SOX11: variants seen among roughly 807,000 people sequenced by gnomAD.
SOX11 encodes transcription factor SOX-11.
Under a neutral mutation model 16.7 loss-of-function variants are expected in SOX11, and 5 were observed. The ratio of observed to expected loss-of-function variants is 0.30; its 90% confidence interval spans 0.16 to 0.63. The LOEUF is 0.63. Ranked by LOEUF, SOX11 falls within the 20% of genes least tolerant of loss-of-function variation. The pLI is 0.82. For synonymous variants in SOX11, 363 were observed against 298.8 expected, an observed-to-expected ratio of 1.21 and a Z score of -2.22; for missense variants, 492 against 641.5, an observed-to-expected ratio of 0.77 and a Z score of 2.52.
rs1454735687 is a variant in SOX11, at chr2:5,697,671, A to G, written c.*3624A>G. On this transcript the variant is annotated 3_prime_UTR_variant, in exon 1 of 1. Coordinates refer to ENST00000322002, the MANE Select transcript of SOX11 (RefSeq NM_003108.4). ...GCTGATGGCGTTAACCAGGTTCTCA[A>G]TATAGAACTGGATTTCTGGAGTTGT... 3 of 167,142 alleles carry G rather than the reference A, an allele frequency of 1.8e-5. No individual in the cohort carries two copies. The highest frequency in any genetic ancestry group is 7.2e-5 in the African/African-American group (3 of 41,448). 10.4% of individuals were successfully genotyped at this position (167,142 alleles called of 1,614,324 possible). A position where few individuals can be genotyped will look rare whatever the true frequency, so the allele number is the denominator to read the frequency against.
rs1433043072 is a variant in SOX11, at chr2:5,692,626, C to G, written c.-96C>G. The G allele has an allele frequency of 2.6e-5, 26 of 983,504 alleles. No homozygotes were observed. The African/African-American group carries it at 4.2e-4, about 16-fold the overall frequency. The allele number at this position is 983,504 out of a possible 1,614,324, so 60.9% of individuals were successfully genotyped here. A position where few individuals can be genotyped will look rare whatever the true frequency, so the allele number is the denominator to read the frequency against. On this transcript the variant is annotated 5_prime_UTR_variant, in exon 1 of 1. Coordinates refer to ENST00000322002, the MANE Select transcript of SOX11 (RefSeq NM_003108.4). ...CGAAAGCGGGGTGCCGAGGACTTTG[C>G]AACTTGCCCAGGAAGGTGGAGGGGT...
rs1167516366 is a variant in SOX11 at position 5,695,600 on chromosome 2, A to G, written c.*1553A>G. On this transcript the variant is annotated 3_prime_UTR_variant, in exon 1 of 1. Coordinates refer to ENST00000322002, the MANE Select transcript of SOX11 (RefSeq NM_003108.4). ...TTTTTTTTTTGTGCTGGAAGTCTGTATCTTGACAATTTTAATAAATCAGCT... is the reference window on the plus strand; with the variant it reads ...TTTTTTTTTTGTGCTGGAAGTCTGTGTCTTGACAATTTTAATAAATCAGCT... 8.0e-6 allele frequency: 1 copy of G among 125,296 alleles called. No homozygotes were observed. The highest frequency in any genetic ancestry group is 2.6e-4 in the East Asian group (1 of 3,836). 7.8% of individuals were successfully genotyped at this position (125,296 alleles called of 1,614,324 possible). A position where few individuals can be genotyped will look rare whatever the true frequency, so the allele number is the denominator to read the frequency against.
chr2:5,692,571 A>AAGGGGGGGCGGGGGGG lies in SOX11; in HGVS notation c.-142_-127dup. On this transcript the variant is annotated 5_prime_UTR_variant, in exon 1 of 1. Coordinates refer to ENST00000322002, the MANE Select transcript of SOX11 (RefSeq NM_003108.4). The stretch of plus-strand genomic sequence containing the variant: ...ACCACAGCCGCTGTGTGCAGCCTGG[A>AAGGGGGGGCGGGGGGG]AGGGGGGGCGGGGGGGAGGGGGGGA... 4.0e-6 allele frequency: 2 copies of AAGGGGGGGCGGGGGGG among 500,316 alleles called. No homozygotes were observed. Among genetic ancestry groups the AAGGGGGGGCGGGGGGG allele is most frequent in the Non-Finnish European group, 3.2e-6 (1 of 309,566 alleles). 31.0% of individuals were successfully genotyped at this position (500,316 alleles called of 1,614,324 possible).
In SOX11 at chr2:5,696,662, C is replaced by G. The variant is rs1665734714; in HGVS notation, c.*2615C>G. On this transcript the variant is annotated 3_prime_UTR_variant, in exon 1 of 1. Transcript: ENST00000322002. The stretch of plus-strand genomic sequence containing the variant: ...CCACCGCGTGCTCCTGGGCGCGCCC[C>G]GCCGCGGGCCCTTGAGGCGCGCGGA... 6.6e-6 allele frequency: 1 copy of G among 151,978 alleles called. No individual in the cohort carries two copies. Among genetic ancestry groups the G allele is most frequent in the Non-Finnish European group, 1.5e-5 (1 of 67,994 alleles). The allele number at this position is 151,978 out of a possible 1,614,324, so 9.4% of individuals were successfully genotyped here.
Position 5,698,375 on chromosome 2 carries a change from T to C in SOX11, c.*4328T>C, listed in dbSNP as rs1665779358. On this transcript the variant is annotated 3_prime_UTR_variant, in exon 1 of 1. Transcript: ENST00000322002. ...CTGGGGGTGGCGGGTGGGTGCTGTG[T>C]GCACGGCAGCCTAGCCAGTGGGGAT... 6.0e-6 allele frequency: 1 copy of C among 167,112 alleles called. No individual in the cohort carries two copies. The highest frequency in any genetic ancestry group is 2.1e-4 in the South Asian group (1 of 4,828). 10.4% of individuals were successfully genotyped at this position (167,112 alleles called of 1,614,324 possible). A position where few individuals can be genotyped will look rare whatever the true frequency, so the allele number is the denominator to read the frequency against.
Position 5,695,851 on chromosome 2 carries a change from C to G in SOX11, c.*1804C>G, listed in dbSNP as rs1048460053. On this transcript the variant is annotated 3_prime_UTR_variant, in exon 1 of 1. Coordinates refer to ENST00000322002, the MANE Select transcript of SOX11 (RefSeq NM_003108.4). ...AAGACAGGGGAAGGGTGTTCTTTCTCTCTGCCCTCCCTTTCCATCTCCAGC... is the reference window on the plus strand; with the variant it reads ...AAGACAGGGGAAGGGTGTTCTTTCTGTCTGCCCTCCCTTTCCATCTCCAGC... The G allele has an allele frequency of 6.0e-6, 1 of 167,282 alleles. No individual in the cohort carries two copies. The highest frequency in any genetic ancestry group is 2.4e-5 in the African/African-American group (1 of 41,472). 10.4% of individuals were successfully genotyped at this position (167,282 alleles called of 1,614,324 possible). A position where few individuals can be genotyped will look rare whatever the true frequency, so the allele number is the denominator to read the frequency against.
chr2:5,698,110 TAGAACTC>T lies in SOX11; in HGVS notation c.*4066_*4072del, dbSNP rs2103280517. ...TTGGCAATCTAAATTTAAAACCTGT[TAGAACTC>T]AGGACAGGCGCTTCAATGCGCTTTT... On this transcript the variant is annotated 3_prime_UTR_variant, in exon 1 of 1. Transcript: ENST00000322002. The T allele has an allele frequency of 6.0e-6, 1 of 167,182 alleles. No individual in the cohort carries two copies. Among genetic ancestry groups the T allele is most frequent in the East Asian group, 1.9e-4 (1 of 5,188 alleles). The allele number at this position is 167,182 out of a possible 1,614,324, so 10.4% of individuals were successfully genotyped here.
rs768958079 is a variant in SOX11, at chr2:5,692,913, C to T, written c.192C>T (p.Arg64=). The change falls in exon 1 of 1, where the codon CGC becomes CGT. Residue 64 remains arginine, a synonymous_variant. Coordinates refer to ENST00000322002, the MANE Select transcript of SOX11 (RefSeq NM_003108.4). Reference sequence around the variant, plus strand: ...TCATGGTATGGTCCAAGATCGAACGCAGGAAGATCATGGAGCAGTCTCCGG... The same window carrying T: ...TCATGGTATGGTCCAAGATCGAACGTAGGAAGATCATGGAGCAGTCTCCGG... The part of the protein sequence containing the change: ...NAFMVWSKIE[R]RKIMEQSPDM... The T allele has an allele frequency of 2.5e-6, 4 of 1,614,010 alleles. No homozygotes were observed. The highest frequency in any genetic ancestry group is 3.3e-5 in the Admixed American group (2 of 60,024).
rs1178501366 is a variant in SOX11 at position 5,701,182 on chromosome 2, T to A, written c.*7135T>A. On this transcript the variant is annotated 3_prime_UTR_variant, in exon 1 of 1. Coordinates refer to ENST00000322002, the MANE Select transcript of SOX11 (RefSeq NM_003108.4). The stretch of plus-strand genomic sequence containing the variant: ...ATTTATTGAAAACTATGTATTTTTT[T>A]GTAAAAACCTGATCACATAGAGAAT... The A allele has an allele frequency of 6.0e-6, 1 of 167,076 alleles. No homozygotes were observed. Among genetic ancestry groups the A allele is most frequent in the Admixed American group, 6.5e-5 (1 of 15,282 alleles). The allele number at this position is 167,076 out of a possible 1,614,324, so 10.3% of individuals were successfully genotyped here. A position where few individuals can be genotyped will look rare whatever the true frequency, so the allele number is the denominator to read the frequency against.
At position 5,697,605 on chromosome 2, in the gene SOX11, T is replaced by A. The variant is rs1419915713; in HGVS notation, c.*3558T>A. 1.8e-5 allele frequency: 3 copies of A among 167,070 alleles called. No individual in the cohort carries two copies. Among genetic ancestry groups the A allele is most frequent in the Non-Finnish European group, 2.9e-5 (2 of 68,130 alleles). 10.3% of individuals were successfully genotyped at this position (167,070 alleles called of 1,614,324 possible). A position where few individuals can be genotyped will look rare whatever the true frequency, so the allele number is the denominator to read the frequency against. On this transcript the variant is annotated 3_prime_UTR_variant, in exon 1 of 1. Coordinates refer to ENST00000322002, the MANE Select transcript of SOX11 (RefSeq NM_003108.4). ...CTTTTCTGTGGCTTTTTCCTTTCGA[T>A]AAACCATCAGATTTCAGTAGTACAT...
In SOX11 at chr2:5,693,285, C is replaced by G. The variant is rs749591091; in HGVS notation, c.564C>G (p.Ser188=). 1 of 1,495,092 alleles carries G rather than the reference C, an allele frequency of 6.7e-7. No individual in the cohort carries two copies. Among genetic ancestry groups the G allele is most frequent in the Non-Finnish European group, 8.9e-7 (1 of 1,129,352 alleles). 92.6% of individuals were successfully genotyped at this position (1,495,092 alleles called of 1,614,324 possible). Residue 188 remains serine, a synonymous_variant, in exon 1 of 1, where the codon TCC becomes TCG. Transcript: ENST00000322002. This position sits in a 1 kb window ranked among gnomAD's most constrained non-coding sequence, Gnocchi z 8.6. ...CGGGCGCGGGCAAGGCGGCCCAGTCCGGGGACTACGGGGGCGCGGGCGACG... is the reference window on the plus strand; with the variant it reads ...CGGGCGCGGGCAAGGCGGCCCAGTCGGGGGACTACGGGGGCGCGGGCGACG... ...AKAGAGKAAQ[S]GDYGGAGDDY...
rs1197745134 is a variant in SOX11, at chr2:5,693,624, G to T, written c.903G>T (p.Ala301=). 2.5e-6 allele frequency: 4 copies of T among 1,572,538 alleles called. No individual in the cohort carries two copies. The highest frequency in any genetic ancestry group is 2.3e-5 in the South Asian group (2 of 87,770). ...TCTACGACGAGGTGCGGGCCGGCGCGACCTCGGGCGCCGGGGGCGGCAGCC... is the reference window on the plus strand; with the variant it reads ...TCTACGACGAGGTGCGGGCCGGCGCTACCTCGGGCGCCGGGGGCGGCAGCC... ...ASLYDEVRAG[A]TSGAGGGSRL... Residue 301 remains alanine, a synonymous_variant, in exon 1 of 1, where the codon GCG becomes GCT. Coordinates refer to ENST00000322002, the MANE Select transcript of SOX11 (RefSeq NM_003108.4). This position sits in a 1 kb window ranked among gnomAD's most constrained non-coding sequence, Gnocchi z 8.6.
In SOX11 at chr2:5,693,623, C is replaced by G. The variant is rs780798415; in HGVS notation, c.902C>G (p.Ala301Gly). The G allele has an allele frequency of 8.3e-6, 13 of 1,571,102 alleles. No homozygotes were observed. In the South Asian group the frequency reaches 1.4e-4, roughly 17 times the overall value. The change falls in exon 1 of 1, where the codon GCG becomes GGG. Residue 301 changes from alanine to glycine, a missense_variant. Ala to Gly is a moderately conservative substitution (Grantham distance 60). Coordinates refer to ENST00000322002, the MANE Select transcript of SOX11 (RefSeq NM_003108.4). This position sits in a 1 kb window ranked among gnomAD's most constrained non-coding sequence, Gnocchi z 8.6. ...ASLYDEVRAG[A>G]TSGAGGGSRL... ...CTCTACGACGAGGTGCGGGCCGGCGCGACCTCGGGCGCCGGGGGCGGCAGC... is the reference window on the plus strand; with the variant it reads ...CTCTACGACGAGGTGCGGGCCGGCGGGACCTCGGGCGCCGGGGGCGGCAGC...
chr2:5,695,210 A>T lies in SOX11; in HGVS notation c.*1163A>T, dbSNP rs1240391177. ...TCTAAAGGCCTTGTGGTTTAAAAAA[A>T]AAAAGCAAACTTTTTTTTGTACAGC... On this transcript the variant is annotated 3_prime_UTR_variant, in exon 1 of 1. Transcript: ENST00000322002. 6.2e-6 allele frequency: 1 copy of T among 162,178 alleles called. No homozygotes were observed. The highest frequency in any genetic ancestry group is 1.5e-5 in the Non-Finnish European group (1 of 67,254). 10.0% of individuals were successfully genotyped at this position (162,178 alleles called of 1,614,324 possible).
At position 5,701,000 on chromosome 2, in the gene SOX11, G is replaced by A. The variant is rs1665828491; in HGVS notation, c.*6953G>A. On this transcript the variant is annotated 3_prime_UTR_variant, in exon 1 of 1. Transcript: ENST00000322002. ...AAACAGAGAGAAGGTAAAGCTACCT[G>A]AGGCAGTGCGCTGGAGGATGAAGTG... 1 of 166,862 alleles carries A rather than the reference G, an allele frequency of 6.0e-6. No homozygotes were observed. The highest frequency in any genetic ancestry group is 6.6e-5 in the Admixed American group (1 of 15,262). 10.3% of individuals were successfully genotyped at this position (166,862 alleles called of 1,614,324 possible). A position where few individuals can be genotyped will look rare whatever the true frequency, so the allele number is the denominator to read the frequency against.
rs373019845 is a variant in SOX11 at position 5,700,466 on chromosome 2, AT to A, written c.*6423del. 1.8e-5 allele frequency: 3 copies of A among 166,720 alleles called. No homozygotes were observed. Among genetic ancestry groups the A allele is most frequent in the African/African-American group, 7.3e-5 (3 of 41,346 alleles). 10.3% of individuals were successfully genotyped at this position (166,720 alleles called of 1,614,324 possible). A position where few individuals can be genotyped will look rare whatever the true frequency, so the allele number is the denominator to read the frequency against. On this transcript the variant is annotated 3_prime_UTR_variant, in exon 1 of 1. Coordinates refer to ENST00000322002, the MANE Select transcript of SOX11 (RefSeq NM_003108.4). Reference sequence around the variant, plus strand: ...CTGGAAGTAATTTATCATATAAAGAATTTTGATCAAATAGATATTGACAAAG... The same window carrying A: ...CTGGAAGTAATTTATCATATAAAGAATTTGATCAAATAGATATTGACAAAG...
At position 5,694,060 on chromosome 2, in the gene SOX11, G is replaced by T; in HGVS notation, c.*13G>T. Reference sequence around the variant, plus strand: ...GTTCACATATTGAAAGGCGCCCGCTGCTCGCTCTTTCTCTCGGAGGGTGCA... The same window carrying T: ...GTTCACATATTGAAAGGCGCCCGCTTCTCGCTCTTTCTCTCGGAGGGTGCA... On this transcript the variant is annotated 3_prime_UTR_variant, in exon 1 of 1. Transcript: ENST00000322002. The T allele has an allele frequency of 6.5e-7, 1 of 1,544,548 alleles. No homozygotes were observed. The highest frequency in any genetic ancestry group is 8.7e-7 in the Non-Finnish European group (1 of 1,143,404).
In SOX11 at chr2:5,700,485, T is replaced by C. The variant is rs1665817928; in HGVS notation, c.*6438T>C. On this transcript the variant is annotated 3_prime_UTR_variant, in exon 1 of 1. Transcript: ENST00000322002. ...TAAAGAATTTTGATCAAATAGATAT[T>C]GACAAAGGGCCCTCTGTCACATTTT... The C allele has an allele frequency of 6.0e-6, 1 of 166,942 alleles. No homozygotes were observed. 10.3% of individuals were successfully genotyped at this position (166,942 alleles called of 1,614,324 possible).
In SOX11 at chr2:5,695,689, C is replaced by T. The variant is rs1332037881; in HGVS notation, c.*1642C>T. On this transcript the variant is annotated 3_prime_UTR_variant, in exon 1 of 1. Coordinates refer to ENST00000322002, the MANE Select transcript of SOX11 (RefSeq NM_003108.4). The stretch of plus-strand genomic sequence containing the variant: ...GAAGTCAAACTGGAGGTCCTGTTGT[C>T]GCAGAGCATTCGGTGGTGAGGCTGT... 5 of 165,904 alleles carry T rather than the reference C, an allele frequency of 3.0e-5. No individual in the cohort carries two copies. Among genetic ancestry groups the T allele is most frequent in the African/African-American group, 1.2e-4 (5 of 40,916 alleles). The allele number at this position is 165,904 out of a possible 1,614,324, so 10.3% of individuals were successfully genotyped here. A position where few individuals can be genotyped will look rare whatever the true frequency, so the allele number is the denominator to read the frequency against.
Sources: gnomAD v4.1 joint callset for allele counts on GRCh38, gnomAD v4.1.1 for gene constraint, Gnocchi (gnomAD v3.1) non-coding constraint, MANE v1.5 for transcripts, NCBI Gene and HGNC (gene_info 2026-07-23, HGNC 2026-07-21) for gene names.